RPS29: variants seen among roughly 807,000 people sequenced by gnomAD.
The protein encoded by RPS29 is small ribosomal subunit protein uS14.
For missense variants in RPS29, 60 were observed against 75.7 expected, an observed-to-expected ratio of 0.79 and a Z score of 0.77; for synonymous variants, 37 against 26.9, an observed-to-expected ratio of 1.37 and a Z score of -1.16.
chr14:49,577,948 T>C (rs1355947386), intron 2 of RPS29: 2 of 825,730 alleles, frequency 2.4e-6, no homozygotes, highest in South Asian at 1.5e-5. Flanking sequence ...CTGTGAAACA[T>C]GTTATGTCAC....
intron 1 of RPS29, among the ~76,000 whole-genome samples, chr14:49,596,952 T>C (rs1309959826): frequency 2.7e-5 from 4 of 149,728 alleles, no homozygotes; most frequent in Non-Finnish European, 4.4e-5. Flanking sequence ...TCTCGCTCTG[T>C]CGCCCAGGCT....
chr14:49,595,505 G>T (rs1187070070), intron 1 of RPS29, among the ~76,000 whole-genome samples: 2 of 152,304 alleles, frequency 1.3e-5, no homozygotes, highest in East Asian at 1.9e-4. Flanking sequence ...TACTCGGGAG[G>T]CTGGGGTAGG....
At chr14:49,588,526 GT>G (rs963021863), upstream of RPS29, among the ~76,000 whole-genome samples, 2 of 135,912 alleles carry the variant, frequency 1.5e-5, no homozygotes, top group African/African-American at 5.5e-5. Context: ...GTTTTGTTTT[GT>G]TTTTTTTCCT....
At chr14:49,595,904 T>C (rs12889068) in intron 1 of RPS29, among the ~76,000 whole-genome samples, 12,293 of 151,752 alleles carry the variant, frequency 0.081, 577 homozygotes, top group Non-Finnish European at 0.12. Flanking sequence ...TCCCAGCTAC[T>C]CAGGAGGCTG....
upstream of RPS29, among the ~76,000 whole-genome samples, chr14:49,588,344 T>C (rs1227956957): frequency 6.6e-6 from 1 of 152,250 alleles, no homozygotes; most frequent in Non-Finnish European, 1.5e-5. Context: ...TACATTATTC[T>C]CTTTGATAGA....
At chr14:49,573,778 T>C (rs1264392961) in exon 3 of RPS29, 1 of 152,224 alleles carries the variant, frequency 6.6e-6, no homozygotes, top group African/African-American at 2.4e-5. Flanking sequence ...ATATGTCATC[T>C]GTGCTAGAGG....
downstream of RPS29, among the ~76,000 whole-genome samples, chr14:49,580,391 C>G (rs1881300495): frequency 6.6e-6 from 1 of 152,164 alleles, no homozygotes; most frequent in South Asian, 2.1e-4. Flanking sequence ...CTTACCCAGA[C>G]TGAAACCTGG....
chr14:49,589,145 G>C (rs1257053156), upstream of RPS29, among the ~76,000 whole-genome samples: 1 of 151,484 alleles, frequency 6.6e-6, no homozygotes, highest in Non-Finnish European at 1.5e-5. Flanking sequence ...CGCCCGCCTC[G>C]ACCTCCCAAA....
rs373969621 is a variant in RPS29, at chr14:49,577,419, G to A, written c.*393C>T. 133 of 348,104 alleles carry A rather than the reference G, an allele frequency of 3.8e-4. 1 individual carries two copies. Among genetic ancestry groups the A allele is most frequent in the African/African-American group, 2.5e-3 (118 of 47,014 alleles). The allele number at this position is 348,104 out of a possible 1,614,324, so 21.6% of individuals were successfully genotyped here. ...ATTCACTTTCTGCACTGTGCAGGCT[G>A]GCATTGGCATTGGTGACTCTGATGA... On this transcript the variant is annotated 3_prime_UTR_variant, in exon 3 of 3. Coordinates refer to the RPS29 transcript ENST00000396020.
chr14:49,577,679 CCT>C, exon 3 of RPS29: 1 of 777,510 alleles, frequency 1.3e-6, no homozygotes, highest in Non-Finnish European at 2.3e-6. Context: ...GTTGTTAATA[CCT>C]CTGTGTTTCC....
chr14:49,571,900 C>A (rs922744294), exon 3 of RPS29: 1 of 152,136 alleles, frequency 6.6e-6, no homozygotes, highest in Non-Finnish European at 1.5e-5. Context: ...TCTAGCAAAT[C>A]GGCAAACCTG....
intron 1 of RPS29, 83 bp downstream of exon 1, chr14:49,586,202 G>A (rs1297470528): frequency 6.8e-7 from 1 of 1,471,768 alleles, no homozygotes; most frequent in Non-Finnish European, 9.5e-7. Flanking sequence ...CCCTCGTGCC[G>A]CCCGTGGCCT....
chr14:49,573,001 G>A (rs149290353), exon 3 of RPS29: 4 of 152,086 alleles, frequency 2.6e-5, no homozygotes, highest in African/African-American at 9.6e-5. Context: ...CCAGCAGGTT[G>A]AGGCTGCAGT....
intron 2 of RPS29, among the ~76,000 whole-genome samples, chr14:49,584,455 G>T (rs1439846181): frequency 1.3e-5 from 2 of 152,206 alleles, no homozygotes. Context: ...CTGCTGCACT[G>T]CAGTATTCAT....
At chr14:49,586,744 G>A (rs894083963), upstream of RPS29, 6 of 245,052 alleles carry the variant, frequency 2.4e-5, no homozygotes, top group South Asian at 4.8e-5. Flanking sequence ...GGACCACCAG[G>A]TTGCCTAAGG....
rs769364049 is a variant in RPS29, at chr14:49,586,245, CCACGGCAACGCTTCCCCAAAAT to C, written c.62+18_62+39del. Reference sequence around the variant, plus strand: ...TTGAGATTTTAAGCAGCCTAGCGCTCCACGGCAACGCTTCCCCAAAATCACAAACTATTTCTCACCAAGAGCG... The same window carrying C: ...TTGAGATTTTAAGCAGCCTAGCGCTCCACAAACTATTTCTCACCAAGAGCG... On this transcript the variant is annotated intron_variant, in intron 1 of 2. Transcript: ENST00000245458. 4 of 1,599,542 alleles carry C rather than the reference CCACGGCAACGCTTCCCCAAAAT, an allele frequency of 2.5e-6. No homozygotes were observed. In the East Asian group the frequency reaches 6.7e-5, roughly 27 times the overall value.
downstream of RPS29, among the ~76,000 whole-genome samples, chr14:49,578,876 G>C (rs1881261043): frequency 6.6e-6 from 1 of 151,974 alleles, no homozygotes; most frequent in Admixed American, 6.6e-5. Context: ...ACTTTTTGTT[G>C]AACATTTACA....
exon 3 of RPS29, chr14:49,577,183 G>A (rs542477913): frequency 6.5e-6 from 1 of 152,898 alleles, no homozygotes; most frequent in South Asian, 2.1e-4. Context: ...GGAAGTTGCA[G>A]AGAGCTGAGC....
At chr14:49,592,409 C>T (rs1328926098) in intron 1 of RPS29, 1 of 148,146 alleles carries the variant, frequency 6.8e-6, no homozygotes, top group East Asian at 2.0e-4. Flanking sequence ...CTCTTGTTGC[C>T]CAGGCTGAAG....
Sources: allele counts gnomAD v4.1 joint callset (sites outside exome capture counted in the v4.1 genomes callset), GRCh38; gene constraint gnomAD v4.1.1; transcripts MANE v1.5; gene names NCBI Gene and HGNC (gene_info 2026-07-23, HGNC 2026-07-21).